The following MYOM1 variants were observed in gnomAD, a reference collection of about 807,000 sequenced individuals.
MYOM1 encodes myomesin-1.
Under a neutral mutation model 205.3 loss-of-function variants are expected in MYOM1, and 164 were observed. The ratio of observed to expected loss-of-function variants is 0.80; its 90% CI spans 0.70 to 0.91. The LOEUF (loss-of-function observed/expected upper bound fraction) is 0.91, where lower values mean the gene tolerates loss of function less well. Ranked by LOEUF, MYOM1 falls within the 40% of genes least tolerant of loss-of-function variation. The pLI is 0.00. For synonymous variants in MYOM1, 772 were observed against 789.4 expected (o/e 0.98, Z 0.37); for missense variants, 2,011 against 2,127.3 (o/e 0.95, Z 1.08).
rs1429400912 is a variant in MYOM1 at position 3,179,539 on chromosome 18, G to C, written c.930-3405C>G. ...ATGTGAAATGGAGAGGGTGGGACTG[G>C]CTTAAGAATCGCAGCTGTGTGGCAG... On this transcript the variant is annotated intron_variant, in intron 5 of 37. Coordinates refer to ENST00000356443, the MANE Select transcript of MYOM1 (RefSeq NM_003803.4). The surrounding 1 kb of genome is among the most constrained non-coding windows in gnomAD (Gnocchi z 4.4). 6.6e-6 allele frequency among the ~76,000 whole-genome samples: 1 copy of C among 152,106 alleles called. No homozygotes were observed. The highest frequency in any genetic ancestry group is 2.4e-5 in the African/African-American group (1 of 41,418).
intron 2 of MYOM1, among the ~76,000 whole-genome samples, chr18:3,214,354 C>T (rs901059033): frequency 1.6e-4 from 25 of 152,134 alleles, no homozygotes; most frequent in Admixed American, 1.1e-3. Context: ...GCAAAATTTG[C>T]CTGCTCTTAG....
chr18:3,220,849 G>C (rs901961614), upstream of MYOM1, among the ~76,000 whole-genome samples: 1 of 152,160 alleles, frequency 6.6e-6, no homozygotes, highest in Non-Finnish European at 1.5e-5. Flanking sequence ...ACTTGACCTA[G>C]TGACAGTCAC....
Position 3,109,136 on chromosome 18 carries a change from C to T in MYOM1, c.3418+3162G>A, listed in dbSNP as rs6506064. 6.6e-5 allele frequency among the ~76,000 whole-genome samples: 10 copies of T among 151,798 alleles called. No individual in the cohort carries two copies. The South Asian group carries it at 1.7e-3, about 25-fold the overall frequency. ...GCTGGGATTACAGATGCCCGCCACA[C>T]GCCCAGCTAATTTTTTTTGTATTTT... On this transcript the variant is annotated intron_variant, in intron 22 of 37. Transcript: ENST00000356443.
the MYOM1 span, among the ~76,000 whole-genome samples, chr18:3,233,536 C>T: frequency 1.3e-5 from 2 of 152,164 alleles, no homozygotes; most frequent in Non-Finnish European, 2.9e-5. Flanking sequence ...CCTGGTAAAG[C>T]CCCTCCAAAC....
intron 5 of MYOM1, among the ~76,000 whole-genome samples, chr18:3,182,264 C>T (rs897624757): frequency 4.1e-5 from 6 of 145,500 alleles, no homozygotes; most frequent in African/African-American, 1.5e-4. Flanking sequence ...GAATCCTGCT[C>T]TTTAAAAAGT....
chr18:3,074,981 G>A (rs1185969199), intron 36 of MYOM1, among the ~76,000 whole-genome samples: 3 of 152,114 alleles, frequency 2.0e-5, no homozygotes, highest in Non-Finnish European at 4.4e-5. Context: ...TTTTAGTAGA[G>A]ACGGGGTTTT....
chr18:3,215,389 C>G (rs1039922444), intron 1 of MYOM1, 138 bp from the exon 2 acceptor site: 1 of 724,596 alleles, frequency 1.4e-6, no homozygotes, highest in Admixed American at 2.9e-5. Context: ...GAGGATCTCT[C>G]GAGGCCGGGA....
intron 2 of MYOM1, among the ~76,000 whole-genome samples, chr18:3,198,196 C>G (rs779512483): frequency 6.6e-6 from 1 of 152,084 alleles, no homozygotes; most frequent in East Asian, 1.9e-4. Context: ...TGTATTCATG[C>G]TTATGGGAAG....
chr18:3,143,900 C>CAA (rs55830599), intron 13 of MYOM1, among the ~76,000 whole-genome samples: 6,999 of 49,210 alleles, frequency 0.14, 737 homozygotes, highest in Middle Eastern at 0.22. Flanking sequence ...GACCCTGTCT[C>CAA]AAAAAAAAAA....
intron 19 of MYOM1, among the ~76,000 whole-genome samples, chr18:3,123,648 T>C (rs555935897): frequency 4.0e-4 from 60 of 151,644 alleles, no homozygotes; most frequent in African/African-American, 1.4e-3. Flanking sequence ...TTGTTTTCTT[T>C]TGTTTTGTCT....
intron 25 of MYOM1, among the ~76,000 whole-genome samples, chr18:3,097,079 A>C (rs922117655): frequency 3.9e-5 from 6 of 152,228 alleles, no homozygotes; most frequent in African/African-American, 1.4e-4. Context: ...TTAAAATAGG[A>C]GAATTTACTG....
chr18:3,217,640 T>C (rs573300733), intron 1 of MYOM1, among the ~76,000 whole-genome samples: 8 of 152,118 alleles, frequency 5.3e-5, no homozygotes, highest in Non-Finnish European at 1.0e-4. Context: ...AGAACCATTG[T>C]ACACGGAAAA....
the MYOM1 span, among the ~76,000 whole-genome samples, chr18:3,238,534 G>A: frequency 6.6e-6 from 1 of 152,130 alleles, no homozygotes; most frequent in South Asian, 2.1e-4. Context: ...CTTATTTAAA[G>A]GGTTTTCTAT....
intron 2 of MYOM1, among the ~76,000 whole-genome samples, chr18:3,194,689 CTT>C (rs1453021933): frequency 6.6e-6 from 1 of 152,106 alleles, no homozygotes; most frequent in Non-Finnish European, 1.5e-5. Flanking sequence ...AAAGAATAGT[CTT>C]AATTTATATA....
At chr18:3,151,568 A>C (rs1444375660) in intron 12 of MYOM1, 126 bp downstream of exon 12, 1 of 753,654 alleles carries the variant, frequency 1.3e-6, no homozygotes, top group Non-Finnish European at 1.9e-6. Context: ...TTTTCTGATG[A>C]AAAAAGGATT....
chr18:3,198,579 T>C (rs1293295285), intron 2 of MYOM1, among the ~76,000 whole-genome samples: 1 of 151,758 alleles, frequency 6.6e-6, no homozygotes, highest in African/African-American at 2.4e-5. Context: ...AGGTCAGGAG[T>C]TCACGACCAG....
intron 19 of MYOM1, among the ~76,000 whole-genome samples, chr18:3,122,797 C>T (rs536901394): frequency 1.2e-4 from 18 of 152,116 alleles, no homozygotes; most frequent in Non-Finnish European, 2.5e-4. Flanking sequence ...ATAATCTTCT[C>T]AATAGACCCC....
chr18:3,158,436 T>C (rs1403404203), intron 10 of MYOM1, among the ~76,000 whole-genome samples: 1 of 152,186 alleles, frequency 6.6e-6, no homozygotes, highest in Non-Finnish European at 1.5e-5. Flanking sequence ...AGAACTAGAA[T>C]TGTTGGAAAT....
chr18:3,135,254 T>C lies in MYOM1; in HGVS notation c.2209+293A>G, dbSNP rs1009325367. ...CATGAGCCACCGCGCCTGGCCTACATTGTATTTTTTAAAGCAAAAAATTTT... is the reference window on the plus strand; with the variant it reads ...CATGAGCCACCGCGCCTGGCCTACACTGTATTTTTTAAAGCAAAAAATTTT... On this transcript the variant is annotated intron_variant, in intron 15 of 37. Coordinates refer to ENST00000356443, the MANE Select transcript of MYOM1 (RefSeq NM_003803.4). The surrounding 1 kb of genome is among the most constrained non-coding windows in gnomAD (Gnocchi z 4.1). 8 of 304,910 alleles carry C rather than the reference T, an allele frequency of 2.6e-5. No individual in the cohort carries two copies. The highest frequency in any genetic ancestry group is 4.3e-5 in the Non-Finnish European group (7 of 164,210). The allele number at this position is 304,910 out of a possible 1,614,324, so 18.9% of individuals were successfully genotyped here.
Sources: allele counts gnomAD v4.1 joint callset (sites outside exome capture counted in the v4.1 genomes callset), GRCh38; gene constraint gnomAD v4.1.1; non-coding constraint Gnocchi (gnomAD v3.1); transcripts MANE v1.5; gene names NCBI Gene and HGNC (gene_info 2026-07-23, HGNC 2026-07-21).